Variants in RPAP2 observed in about 807,000 individuals in gnomAD.
RPAP2 encodes the protein RNA polymerase II associated protein 2.
A neutral mutation model predicts 73.1 loss-of-function variants in RPAP2; 52 were observed. That is an observed-to-expected ratio of 0.71 (90% CI 0.57 to 0.90). The LOEUF is 0.90. Among genes scored for constraint, RPAP2 ranks in the 40% least tolerant of loss-of-function variants. The pLI is 0.00. For missense variants in RPAP2, 598 were observed against 701.8 expected, an observed-to-expected ratio of 0.85 and a Z score of 1.67; for synonymous variants, 225 against 242.1, an observed-to-expected ratio of 0.93 and a Z score of 0.65.
chr1:92,385,517 G>A (rs896622901), intron 12 of RPAP2, among the ~76,000 whole-genome samples: 1 of 152,148 alleles, frequency 6.6e-6, no homozygotes, highest in South Asian at 2.1e-4. Context: ...GAGAAATGAA[G>A]ATGGTTGTGA....
intron 10 of RPAP2, among the ~76,000 whole-genome samples, chr1:92,344,222 C>A (rs527358955): frequency 6.6e-6 from 1 of 152,094 alleles, no homozygotes; most frequent in Non-Finnish European, 1.5e-5. Flanking sequence ...TCAGCCTGGG[C>A]AACATAGTGA....
chr1:92,357,489 A>G (rs1163115152), intron 11 of RPAP2, among the ~76,000 whole-genome samples: 1 of 152,192 alleles, frequency 6.6e-6, no homozygotes, highest in Non-Finnish European at 1.5e-5. Flanking sequence ...AAAAAGCAAG[A>G]TAAGGCTGAT....
chr1:92,321,556 G>A (rs1046108702), intron 7 of RPAP2, among the ~76,000 whole-genome samples: 11 of 151,940 alleles, frequency 7.2e-5, no homozygotes, highest in African/African-American at 2.7e-4. Flanking sequence ...TTTTGATAGT[G>A]TCTGTGCTTT....
Position 92,380,736 on chromosome 1 carries a change from T to A in RPAP2, c.1701T>A (p.Ile567=). ...TTGGTTGTTTCAGACTGACCCCAATTCTTGGCATTCAGAAACATTCTCAGG... is the reference window on the plus strand; with the variant it reads ...TTGGTTGTTTCAGACTGACCCCAATACTTGGCATTCAGAAACATTCTCAGG... ...AMVLLSLLTP[I]LGIQKHSQEG... Residue 567 remains isoleucine (I), a synonymous_variant, in exon 12 of 13, where the codon ATT becomes ATA. Transcript: ENST00000610020. 1 of 1,584,952 alleles carries A rather than the reference T, an allele frequency of 6.3e-7. No individual in the cohort carries two copies. Among genetic ancestry groups the A allele is most frequent in the Non-Finnish European group, 8.5e-7 (1 of 1,171,152 alleles).
chr1:92,364,487 C>A (rs138535803), intron 11 of RPAP2, among the ~76,000 whole-genome samples: 2 of 152,056 alleles, frequency 1.3e-5, no homozygotes, highest in East Asian at 3.9e-4. Flanking sequence ...TCTCCTAAAT[C>A]GTAGACCAAA....
At chr1:92,366,391 A>G (rs1291188501) in intron 11 of RPAP2, among the ~76,000 whole-genome samples, 1 of 152,228 alleles carries the variant, frequency 6.6e-6, no homozygotes, top group Non-Finnish European at 1.5e-5. Context: ...ACTGAAAAAC[A>G]ACATCAATAA....
chr1:92,304,321 A>G lies in RPAP2; in HGVS notation c.371A>G (p.Asn124Ser). Residue 124 changes from asparagine (N) to serine (S), a missense_variant, in exon 5 of 13, where the codon AAT becomes AGT. By Grantham distance (46) the Asn-to-Ser change is conservative. Around this residue, in one of 3 missense-constraint regions of RPAP2, gnomAD observed 506 missense variants for 612.8 expected, o/e 0.83. Coordinates refer to ENST00000610020, the MANE Select transcript of RPAP2 (RefSeq NM_024813.3). ...KQKYKISTKTNKVYDITERKS... is the reference protein window; with the variant it reads ...KQKYKISTKTSKVYDITERKS... ...AAATATAAAATTTCTACCAAAACCA[A>G]TAAAGTCTATGATATTACTGAAAGA... 6.6e-7 allele frequency: 1 copy of G among 1,522,906 alleles called. No homozygotes were observed. Among genetic ancestry groups the G allele is most frequent in the Non-Finnish European group, 9.0e-7 (1 of 1,108,084 alleles). 94.3% of individuals were successfully genotyped at this position (1,522,906 alleles called of 1,614,324 possible).
chr1:92,305,449 A>AAAAAAAAAAAG (rs1442730252), intron 5 of RPAP2, among the ~76,000 whole-genome samples: 1 of 148,814 alleles, frequency 6.7e-6, no homozygotes, highest in Non-Finnish European at 1.5e-5. Context: ...AAAAAAAAAA[A>AAAAAAAAAAAG]AAGACAATAT....
intron 11 of RPAP2, among the ~76,000 whole-genome samples, chr1:92,377,432 C>T (rs1041393549): frequency 6.8e-6 from 1 of 147,122 alleles, no homozygotes; most frequent in African/African-American, 2.5e-5. Flanking sequence ...GCAGGATAAT[C>T]GCTTGAACCT....
At chr1:92,331,084 T>G (rs893335390) in intron 8 of RPAP2, among the ~76,000 whole-genome samples, 1 of 152,130 alleles carries the variant, frequency 6.6e-6, no homozygotes, top group African/African-American at 2.4e-5. Context: ...AATTGTGGAT[T>G]GATTATTTCT....
At chr1:92,347,786 A>C (rs948155311) in intron 11 of RPAP2, among the ~76,000 whole-genome samples, 2 of 152,184 alleles carry the variant, frequency 1.3e-5, no homozygotes, top group Non-Finnish European at 2.9e-5. Context: ...AACTTTGGAT[A>C]TAATGTAGGG....
rs779537068 is a variant in RPAP2, at chr1:92,390,190, G to A, written c.*3179G>A. On this transcript the variant is annotated 3_prime_UTR_variant, in exon 13 of 13. Coordinates refer to ENST00000610020, the MANE Select transcript of RPAP2 (RefSeq NM_024813.3). The stretch of plus-strand genomic sequence containing the variant: ...AAGGGAAGCCCATCAGATTAACAGC[G>A]GACCTCTGGGCAGAAACCCTACAAG... 12 of 152,166 alleles carry A rather than the reference G, an allele frequency of 7.9e-5. No individual in the cohort carries two copies. Among genetic ancestry groups the A allele is most frequent in the South Asian group, 4.1e-4 (2 of 4,830 alleles). 9.4% of individuals were successfully genotyped at this position (152,166 alleles called of 1,614,324 possible).
intron 6 of RPAP2, among the ~76,000 whole-genome samples, chr1:92,310,369 C>T (rs1385566864): frequency 2.0e-5 from 3 of 152,084 alleles, no homozygotes; most frequent in South Asian, 2.1e-4. Context: ...GCTTGTCTAG[C>T]TATTGCACAT....
At chr1:92,331,363 T>G (rs1652955023) in intron 8 of RPAP2, among the ~76,000 whole-genome samples, 1 of 152,180 alleles carries the variant, frequency 6.6e-6, no homozygotes. Flanking sequence ...GTATTTGGGT[T>G]TAAATCTACC....
intron 11 of RPAP2, among the ~76,000 whole-genome samples, chr1:92,378,129 C>T (rs1655468895): frequency 6.6e-6 from 1 of 152,160 alleles, no homozygotes; most frequent in South Asian, 2.1e-4. Flanking sequence ...AAATACTAAT[C>T]TCCTTGAAAG....
chr1:92,323,429 C>A lies in RPAP2; in HGVS notation c.525-16C>A, dbSNP rs1424143874. 5 of 1,494,272 alleles carry A rather than the reference C, an allele frequency of 3.3e-6. No homozygotes were observed. The highest frequency in any genetic ancestry group is 2.2e-5 in the Admixed American group (1 of 45,292). The allele number at this position is 1,494,272 out of a possible 1,614,324, so 92.6% of individuals were successfully genotyped here. ...TATTTTTTATTTAGTTATTTTATTT[C>A]TCTTTCATTCTACAGTGGCCATTCT... On this transcript the variant is annotated splice_polypyrimidine_tract_variant and intron_variant, in intron 7 of 12. Coordinates refer to ENST00000610020, the MANE Select transcript of RPAP2 (RefSeq NM_024813.3).
chr1:92,306,898 A>T (rs1442105129), intron 5 of RPAP2, among the ~76,000 whole-genome samples: 4 of 152,214 alleles, frequency 2.6e-5, no homozygotes, highest in Non-Finnish European at 4.4e-5. Flanking sequence ...AAAACTGAAT[A>T]TTTTTTAATA....
At chr1:92,333,692 G>C (rs1308549681) in intron 9 of RPAP2, among the ~76,000 whole-genome samples, 1 of 152,076 alleles carries the variant, frequency 6.6e-6, no homozygotes, top group Non-Finnish European at 1.5e-5. Context: ...ATCATAAAGA[G>C]GAAGGTTGAG....
intron 11 of RPAP2, among the ~76,000 whole-genome samples, chr1:92,359,748 G>A (rs968707313): frequency 1.4e-4 from 22 of 152,242 alleles, no homozygotes; most frequent in Middle Eastern, 3.2e-3. Flanking sequence ...GAAGAATGGT[G>A]ATGAAAATCA....
Sources: gnomAD v4.1 joint callset for allele counts (sites outside exome capture counted in the v4.1 genomes callset) on GRCh38, gnomAD v4.1.1 for gene constraint, gnomAD v4.1.1 regional missense constraint, MANE v1.5 for transcripts, NCBI Gene and HGNC (gene_info 2026-07-23, HGNC 2026-07-21) for gene names.